DPYSL2: variants seen among roughly 807,000 people sequenced by gnomAD.
DPYSL2 encodes dihydropyrimidinase-related protein 2.
In DPYSL2, 13 loss-of-function variants were observed where a neutral mutation model predicts 69.9. That is an observed-to-expected ratio of 0.19 (90% CI 0.12 to 0.30). The LOEUF (loss-of-function observed/expected upper bound fraction) is 0.30. DPYSL2 is among the 10% of genes least tolerant of loss of function. DPYSL2 has a pLI of 1.00. For synonymous variants in DPYSL2, 326 were observed against 359.1 expected, an observed-to-expected ratio of 0.91 and a Z score of 1.04; for missense variants, 587 against 918.9, an observed-to-expected ratio of 0.64 and a Z score of 4.67.
chr8:26,514,979 G>A lies in DPYSL2; in HGVS notation c.354+300G>A, dbSNP rs1808253146. The stretch of plus-strand genomic sequence containing the variant: ...GGCGGGCGGTGGTCGTCTGGGAGGG[G>A]GTTGGCCGCGGTTCCATTCTTCTGA... On this transcript the variant is annotated intron_variant, in intron 1 of 13. Coordinates refer to ENST00000521913, the MANE Select transcript of DPYSL2 (RefSeq NM_001197293.3). The surrounding 1 kb of genome is among the most constrained non-coding windows in gnomAD (Gnocchi z 8.4). 6.6e-6 allele frequency among the ~76,000 whole-genome samples: 1 copy of A among 152,270 alleles called. No individual in the cohort carries two copies. The highest frequency in any genetic ancestry group is 6.5e-5 in the Admixed American group (1 of 15,304).
rs1054055609 is a variant in DPYSL2, at chr8:26,533,045, T to C, written c.354+18366T>C. Among the ~76,000 whole-genome samples, 7 of 152,238 alleles carry C rather than the reference T, an allele frequency of 4.6e-5. No homozygotes were observed. The highest frequency in any genetic ancestry group is 6.5e-5 in the Admixed American group (1 of 15,286). On this transcript the variant is annotated intron_variant, in intron 1 of 13. Coordinates refer to ENST00000521913, the MANE Select transcript of DPYSL2 (RefSeq NM_001197293.3). The surrounding 1 kb of genome is among the most constrained non-coding windows in gnomAD (Gnocchi z 4.8). ...GCCGCATCCTTGTCTACACTTGTTA[T>C]TGTCTGTCTTTTTGATTCCAGCCAT... is the stretch of plus-strand genomic sequence containing the variant.
intron 3 of DPYSL2, among the ~76,000 whole-genome samples, chr8:26,594,903 TG>T (rs1801823264): frequency 6.6e-6 from 1 of 152,158 alleles, no homozygotes; most frequent in Non-Finnish European, 1.5e-5. Context: ...TCTTATTGGC[TG>T]GGCATGGTGA....
In DPYSL2 at chr8:26,584,086, C is replaced by T; in HGVS notation, c.628+103C>T. 2 of 1,195,326 alleles carry T rather than the reference C, an allele frequency of 1.7e-6. 1 individual carries two copies. Among genetic ancestry groups the T allele is most frequent in the Non-Finnish European group, 2.4e-6 (2 of 845,268 alleles). 74.0% of individuals were successfully genotyped at this position (1,195,326 alleles called of 1,614,324 possible). A position where few individuals can be genotyped will look rare whatever the true frequency, so the allele number is the denominator to read the frequency against. On this transcript the variant is annotated intron_variant, in intron 3 of 13. Coordinates refer to ENST00000521913, the MANE Select transcript of DPYSL2 (RefSeq NM_001197293.3). ...CCTTCTAAAACTTGCTGTCCTGAGC[C>T]ACAGTTCAATCTACCAAATAAGGGG...
In DPYSL2 at chr8:26,624,054, C is replaced by A. The variant is rs765047133; in HGVS notation, c.629-89C>A. The stretch of plus-strand genomic sequence containing the variant: ...CCATCTCGATTTTGAACCCAAGAAG[C>A]CTTATTCAGGGTTCAAGTGGGAAAA... On this transcript the variant is annotated intron_variant, in intron 3 of 13. Transcript: ENST00000521913. This position sits in a 1 kb window ranked among gnomAD's most constrained non-coding sequence, Gnocchi z 4.7. 4.2e-6 allele frequency: 6 copies of A among 1,421,396 alleles called. No individual in the cohort carries two copies. The highest frequency in any genetic ancestry group is 2.3e-5 in the East Asian group (1 of 43,830). 88.0% of individuals were successfully genotyped at this position (1,421,396 alleles called of 1,614,324 possible). A position where few individuals can be genotyped will look rare whatever the true frequency, so the allele number is the denominator to read the frequency against.
Position 26,585,587 on chromosome 8 carries a change from G to A in DPYSL2, c.628+1604G>A, listed in dbSNP as rs1309979978. Among the ~76,000 whole-genome samples, 2 of 152,206 alleles carry A rather than the reference G, an allele frequency of 1.3e-5. No individual in the cohort carries two copies. Among genetic ancestry groups the A allele is most frequent in the African/African-American group, 4.8e-5 (2 of 41,444 alleles). On this transcript the variant is annotated intron_variant, in intron 3 of 13. Coordinates refer to ENST00000521913, the MANE Select transcript of DPYSL2 (RefSeq NM_001197293.3). The surrounding 1 kb of genome is among the most constrained non-coding windows in gnomAD (Gnocchi z 4.0). ...GGGAGATTTCATGCACACCTAGGGA[G>A]AGCAGAGCCTGCACCTTGTCATTTG...
At position 26,577,176 on chromosome 8, in the gene DPYSL2, C is replaced by A. The variant is rs902185255; in HGVS notation, c.355-4793C>A. 6.7e-6 allele frequency: 3 copies of A among 445,928 alleles called. No individual in the cohort carries two copies. In the Admixed American group the frequency reaches 7.1e-5, roughly 11 times the overall value. 27.6% of individuals were successfully genotyped at this position (445,928 alleles called of 1,614,324 possible). ...AGGGCTCTCATTTCCTGCAGCCCGG[C>A]GCCTCCACGCGGGCCAGATCCCGTC... On this transcript the variant is annotated intron_variant, in intron 1 of 13. Transcript: ENST00000521913.
At chr8:26,544,938 G>A (rs1800741539) in intron 1 of DPYSL2, among the ~76,000 whole-genome samples, 1 of 152,158 alleles carries the variant, frequency 6.6e-6, no homozygotes, top group African/African-American at 2.4e-5. Flanking sequence ...TGATAAAAAG[G>A]TCAGTTCTAC....
intron 1 of DPYSL2, among the ~76,000 whole-genome samples, chr8:26,570,805 T>G (rs1474626170): frequency 6.6e-6 from 1 of 150,704 alleles, no homozygotes; most frequent in Non-Finnish European, 1.5e-5. Flanking sequence ...AGACCCAAAT[T>G]AGAATCTGGG....
intron 1 of DPYSL2, chr8:26,547,865 A>G (rs758186715): frequency 5.1e-5 from 16 of 316,324 alleles, no homozygotes; most frequent in Non-Finnish European, 1.0e-4. Context: ...GAGTCCTTCA[A>G]TGTGGCTGAT....
intron 1 of DPYSL2, among the ~76,000 whole-genome samples, chr8:26,579,221 C>T (rs1313968301): frequency 6.6e-6 from 1 of 152,244 alleles, no homozygotes; most frequent in Non-Finnish European, 1.5e-5. Context: ...GGGGCCTGGA[C>T]TTGTTGGTTT....
rs185544293 is a variant in DPYSL2, at chr8:26,549,421, C to T, written c.355-32548C>T. 4.3e-4 allele frequency among the ~76,000 whole-genome samples: 66 copies of T among 151,748 alleles called. 1 individual carries two copies. Among genetic ancestry groups the T allele is most frequent in the African/African-American group, 1.2e-3 (48 of 41,380 alleles). ...GACGGAACAGAATATCCAAGAAATACGAGAAAATTACCAAAGATTTAATAT... is the reference window on the plus strand; with the variant it reads ...GACGGAACAGAATATCCAAGAAATATGAGAAAATTACCAAAGATTTAATAT... On this transcript the variant is annotated intron_variant, in intron 1 of 13. Transcript: ENST00000521913.
intron 8 of DPYSL2, among the ~76,000 whole-genome samples, chr8:26,636,040 G>A (rs779981097): frequency 2.6e-5 from 4 of 152,126 alleles, no homozygotes; most frequent in Non-Finnish European, 5.9e-5. Flanking sequence ...ACTTCCAGAC[G>A]GACCCAGCGA....
At chr8:26,628,216 GT>G (rs1358593670) in intron 7 of DPYSL2, among the ~76,000 whole-genome samples, 1 of 152,228 alleles carries the variant, frequency 6.6e-6, no homozygotes, top group Non-Finnish European at 1.5e-5. Flanking sequence ...GACACAAACA[GT>G]TCTTCATTGG....
rs61356084 is a variant in DPYSL2 at position 26,598,926 on chromosome 8, G to A, written c.628+14943G>A. Among the ~76,000 whole-genome samples the A allele has an allele frequency of 0.041, 6,243 of 152,310 alleles. 418 individuals carry two copies. Among genetic ancestry groups the A allele is most frequent in the African/African-American group, 0.14 (5,892 of 41,548 alleles). On this transcript the variant is annotated intron_variant, in intron 3 of 13. Coordinates refer to ENST00000521913, the MANE Select transcript of DPYSL2 (RefSeq NM_001197293.3). This position sits in a 1 kb window ranked among gnomAD's most constrained non-coding sequence, Gnocchi z 4.2. ...CCCCACTGTGCGTATTCTTAGCTGCGCAAGTGTCGTGCATGTGCGTTTGGC... is the reference window on the plus strand; with the variant it reads ...CCCCACTGTGCGTATTCTTAGCTGCACAAGTGTCGTGCATGTGCGTTTGGC...
rs539422604 is a variant in DPYSL2, at chr8:26,641,762, C to G, written c.1127-1677C>G. Among the ~76,000 whole-genome samples the G allele has an allele frequency of 2.0e-5, 3 of 152,290 alleles. No individual in the cohort carries two copies. The highest frequency in any genetic ancestry group is 7.2e-5 in the African/African-American group (3 of 41,564). Reference sequence around the variant, plus strand: ...CCTGGGTTTGGAGTCCTCCCTCCTGCTGGGGGTGGGGGCGTGGTTGCTGGT... The same window carrying G: ...CCTGGGTTTGGAGTCCTCCCTCCTGGTGGGGGTGGGGGCGTGGTTGCTGGT... On this transcript the variant is annotated intron_variant, in intron 8 of 13. Coordinates refer to ENST00000521913, the MANE Select transcript of DPYSL2 (RefSeq NM_001197293.3). This position sits in a 1 kb window ranked among gnomAD's most constrained non-coding sequence, Gnocchi z 4.1.
intron 7 of DPYSL2, among the ~76,000 whole-genome samples, chr8:26,630,086 AC>A: frequency 6.6e-6 from 1 of 152,360 alleles, no homozygotes; most frequent in South Asian, 2.1e-4. Flanking sequence ...TATGTGTTGT[AC>A]CCACGTATTT....
chr8:26,630,177 C>T (rs1011085380), intron 7 of DPYSL2, among the ~76,000 whole-genome samples: 8 of 152,230 alleles, frequency 5.3e-5, no homozygotes, highest in Admixed American at 2.6e-4. Context: ...TGCACATATG[C>T]GCTTGCACAC....
chr8:26,521,177 A>C (rs1808377582), intron 1 of DPYSL2, among the ~76,000 whole-genome samples: 1 of 152,230 alleles, frequency 6.6e-6, no homozygotes, highest in Non-Finnish European at 1.5e-5. Flanking sequence ...GTGGTAACCT[A>C]GTACCATAGG....
rs1801091201 is a variant in DPYSL2, at chr8:26,562,612, A to G, written c.355-19357A>G. On this transcript the variant is annotated intron_variant, in intron 1 of 13. Transcript: ENST00000521913. The surrounding 1 kb of genome is among the most constrained non-coding windows in gnomAD (Gnocchi z 4.9). ...ATCCGAATCTGTTTCCATGGCCCAC[A>G]GTCCTGTAGATGTGGTCCCTGCCTG... Among the ~76,000 whole-genome samples, 1 of 152,228 alleles carries G rather than the reference A, an allele frequency of 6.6e-6. No homozygotes were observed. Among genetic ancestry groups the G allele is most frequent in the African/African-American group, 2.4e-5 (1 of 41,452 alleles).
Sources: gnomAD v4.1 joint callset for allele counts (sites outside exome capture counted in the v4.1 genomes callset) on GRCh38, gnomAD v4.1.1 for gene constraint, Gnocchi (gnomAD v3.1) non-coding constraint, MANE v1.5 for transcripts, NCBI Gene and HGNC (gene_info 2026-07-23, HGNC 2026-07-21) for gene names.